The following HSPA13 variants were observed in gnomAD, a reference collection of about 807,000 sequenced individuals.
HSPA13 encodes heat shock 70 kDa protein 13.
HSPA13 carries 29 observed loss-of-function variants against 38.8 expected under a neutral mutation model. That is an observed-to-expected ratio of 0.75 (90% CI 0.56 to 1.02). The LOEUF (loss-of-function observed/expected upper bound fraction) is 1.02. HSPA13 is among the 50% of genes least tolerant of loss of function. The probability of loss-of-function intolerance (pLI) is 0.00; values close to 1 mark genes in which losing one functional copy is unlikely to be tolerated. For missense variants in HSPA13, 451 were observed against 560.9 expected (o/e 0.80, Z 1.98); for synonymous variants, 192 against 205.3 (o/e 0.94, Z 0.56).
rs1982818206 is a variant in HSPA13, at chr21:14,371,213, CTG to C, written c.*2402_*2403del. 1.3e-5 allele frequency: 2 copies of C among 152,606 alleles called. No homozygotes were observed. Among genetic ancestry groups the C allele is most frequent in the South Asian group, 4.1e-4 (2 of 4,826 alleles). The allele number at this position is 152,606 out of a possible 1,614,324, so 9.5% of individuals were successfully genotyped here. ...AGGAACAATCTGTTATGCACAATAA[CTG>C]TAATATTTAGTACATGTTATACACA... On this transcript the variant is annotated 3_prime_UTR_variant, in exon 5 of 5. Transcript: ENST00000285667.
At chr21:14,382,103 T>C (rs528640751) in intron 1 of HSPA13, among the ~76,000 whole-genome samples, 22 of 152,328 alleles carry the variant, frequency 1.4e-4, no homozygotes, top group African/African-American at 5.1e-4. Flanking sequence ...GTTCCTTAGA[T>C]ATGAAACTGT....
At position 14,372,699 on chromosome 21, in the gene HSPA13, A is replaced by ATAT. The variant is rs1388729412; in HGVS notation, c.*915_*917dup. On this transcript the variant is annotated 3_prime_UTR_variant, in exon 5 of 5. Transcript: ENST00000285667. ...CCATTTAGTAGCTCAATTCCATGCTATATTCCCCAGGGCTTACTGAAAATA... is the reference window on the plus strand; with the variant it reads ...CCATTTAGTAGCTCAATTCCATGCTATATTATTCCCCAGGGCTTACTGAAAATA... The ATAT allele has an allele frequency of 2.0e-5, 3 of 152,208 alleles. No homozygotes were observed. The highest frequency in any genetic ancestry group is 4.4e-5 in the Non-Finnish European group (3 of 68,000). The allele number at this position is 152,208 out of a possible 1,614,324, so 9.4% of individuals were successfully genotyped here.
At chr21:14,375,588 T>A in intron 4 of HSPA13, 64 bp downstream of exon 4, 3 of 1,353,426 alleles carry the variant, frequency 2.2e-6, no homozygotes, top group Non-Finnish European at 3.0e-6. Context: ...CGCCTCGGCC[T>A]CCCAAAGTGC....
chr21:14,373,664 C>T lies in HSPA13; in HGVS notation c.1369G>A (p.Ala457Thr). The T allele has an allele frequency of 6.2e-7, 1 of 1,613,626 alleles. No homozygotes were observed. Among genetic ancestry groups the T allele is most frequent in the Non-Finnish European group, 8.5e-7 (1 of 1,179,958 alleles). Residue 457 changes from alanine (A) to threonine (T), a missense_variant, in exon 5 of 5, where the codon GCT (alanine) becomes ACT (threonine). Physicochemically the swap from Ala to Thr is moderately conservative, Grantham distance 58. Transcript: ENST00000285667. ...AAATGCTTATTGGGAATTTCTAAAG[C>T]ACTGACTTGGAGAGGCCAAGAGCCT... ...DGGSWPLQVS[A>T]LEIPNKHLQK...
At chr21:14,376,370 G>A (rs996474674) in intron 3 of HSPA13, among the ~76,000 whole-genome samples, 96 of 152,136 alleles carry the variant, frequency 6.3e-4, no homozygotes, top group African/African-American at 2.2e-3. Flanking sequence ...CCGAGATCGC[G>A]CCACTGTACT....
intron 4 of HSPA13, 97 bp downstream of exon 4, chr21:14,375,555 A>G (rs1983999250): frequency 3.9e-6 from 3 of 769,186 alleles, no homozygotes; most frequent in African/African-American, 1.9e-5. Flanking sequence ...GATGGTCTCG[A>G]TCTCCCCATC....
At position 14,381,411 on chromosome 21, in the gene HSPA13, C is replaced by T; in HGVS notation, c.158G>A (p.Gly53Glu). ...TTCATCTGGAATCACCTTTACTTTT[C>T]CTGTGCCAGGAAAAAACACCCCAAC... is the stretch of plus-strand genomic sequence containing the variant. ...CSVGVFFPGT[G>E]KVKVIPDENG... Residue 53 changes from glycine (G) to glutamate (E), a missense_variant, in exon 2 of 5, where the codon GGA (glycine) becomes GAA (glutamate). Physicochemically the swap from Gly to Glu is moderately conservative, Grantham distance 98 (BLOSUM62 -2). Coordinates refer to ENST00000285667, the MANE Select transcript of HSPA13 (RefSeq NM_006948.5). 1 of 1,614,140 alleles carries T rather than the reference C, an allele frequency of 6.2e-7. No homozygotes were observed. Among genetic ancestry groups the T allele is most frequent in the Non-Finnish European group, 8.5e-7 (1 of 1,180,004 alleles).
Position 14,378,274 on chromosome 21 carries a change from T to C in HSPA13, c.505A>G (p.Asn169Asp). 6.2e-7 allele frequency: 1 copy of C among 1,614,166 alleles called. No individual in the cohort carries two copies. The highest frequency in any genetic ancestry group is 8.5e-7 in the Non-Finnish European group (1 of 1,179,980). Residue 169 changes from asparagine (N) to aspartate (D), a missense_variant, in exon 3 of 5, where the codon AAT becomes GAT. By Grantham distance (23) the Asn-to-Asp change is conservative (BLOSUM62 1). Transcript: ENST00000285667. ...AEAYLGMPVA[N>D]AVISVPAEFD... ...TCTGCTGGTACAGAAATGACAGCATTGGCAACTGGCATTCCAAGATATGCC... is the reference window on the plus strand; with the variant it reads ...TCTGCTGGTACAGAAATGACAGCATCGGCAACTGGCATTCCAAGATATGCC...
In HSPA13 at chr21:14,373,278, G is replaced by A. The variant is rs1346654030; in HGVS notation, c.*339C>T. Reference sequence around the variant, plus strand: ...GTAAGAACTGGGAATCTCATAACTGGCACTACTTAATGTTTATAGAATATA... The same window carrying A: ...GTAAGAACTGGGAATCTCATAACTGACACTACTTAATGTTTATAGAATATA... On this transcript the variant is annotated 3_prime_UTR_variant, in exon 5 of 5. Transcript: ENST00000285667. The A allele has an allele frequency of 5.3e-6, 1 of 188,324 alleles. No homozygotes were observed. Among genetic ancestry groups the A allele is most frequent in the Admixed American group, 5.3e-5 (1 of 18,838 alleles). The allele number at this position is 188,324 out of a possible 1,614,324, so 11.7% of individuals were successfully genotyped here.
intron 3 of HSPA13, 47 bp downstream of exon 3, chr21:14,378,152 C>A (rs767099306): frequency 6.8e-7 from 1 of 1,478,080 alleles, no homozygotes; most frequent in South Asian, 1.1e-5. Context: ...GGTTTTCAAC[C>A]CAACACAATT....
At chr21:14,377,421 C>G (rs76601379) in intron 3 of HSPA13, among the ~76,000 whole-genome samples, 4 of 152,282 alleles carry the variant, frequency 2.6e-5, no homozygotes, top group South Asian at 2.1e-4. Context: ...TCTCTTTGAG[C>G]CTTTGTCCTG....
rs760641603 is a variant in HSPA13, at chr21:14,374,012, C to G, written c.1021G>C (p.Val341Leu). 2 of 1,614,188 alleles carry G rather than the reference C, an allele frequency of 1.2e-6. No homozygotes were observed. Among genetic ancestry groups the G allele is most frequent in the Non-Finnish European group, 1.7e-6 (2 of 1,180,030 alleles). Residue 341 changes from valine to leucine, a missense_variant, in exon 5 of 5, where the codon GTG (valine) becomes CTG (leucine). Transcript: ENST00000285667. ...DKLSSADDHR[V>L]NSGFGRGLSD... The stretch of plus-strand genomic sequence containing the variant: ...AGGCCACGTCCAAACCCACTGTTCA[C>G]GCGATGGTCATCTGCTGAGGAAAGT...
rs371796413 is a variant in HSPA13, at chr21:14,381,417, C to T, written c.152G>A (p.Gly51Asp). The T allele has an allele frequency of 2.2e-5, 36 of 1,613,894 alleles. No individual in the cohort carries two copies. Among genetic ancestry groups the T allele is most frequent in the Non-Finnish European group, 3.0e-5 (35 of 1,179,988 alleles). ...TGGAATCACCTTTACTTTTCCTGTG[C>T]CAGGAAAAAACACCCCAACAGAACA... ...TYCSVGVFFP[G>D]TGKVKVIPDE... Residue 51 changes from glycine (G) to aspartate (D), a missense_variant, in exon 2 of 5, where the codon GGC becomes GAC. Gly to Asp is a moderately conservative substitution (Grantham distance 94). Transcript: ENST00000285667.
In HSPA13 at chr21:14,381,459, T is replaced by C; in HGVS notation, c.110A>G (p.Asp37Gly). Residue 37 changes from aspartate (D) to glycine (G), a missense_variant, in exon 2 of 5, where the codon GAT (aspartate) becomes GGT (glycine). By Grantham distance (94) the Asp-to-Gly change is moderately conservative (BLOSUM62 -1). Coordinates refer to ENST00000285667, the MANE Select transcript of HSPA13 (RefSeq NM_006948.5). ...AACAGAACAATAGGTGGTGCCAAGA[T>C]CAATACCAATCACTTTAGGAGTAGG... ...PLPTPKVIGI[D>G]LGTTYCSVGV... 6.2e-7 allele frequency: 1 copy of C among 1,614,156 alleles called. No individual in the cohort carries two copies. The highest frequency in any genetic ancestry group is 8.5e-7 in the Non-Finnish European group (1 of 1,180,020).
intron 3 of HSPA13, among the ~76,000 whole-genome samples, chr21:14,376,403 A>C (rs757578507): frequency 6.6e-6 from 1 of 152,036 alleles, no homozygotes; most frequent in Non-Finnish European, 1.5e-5. Flanking sequence ...GCAGAGTGAG[A>C]CTCCGTCTCA....
At position 14,373,819 on chromosome 21, in the gene HSPA13, A is replaced by C. The variant is rs1404611787; in HGVS notation, c.1214T>G (p.Val405Gly). 3 of 1,614,206 alleles carry C rather than the reference A, an allele frequency of 1.9e-6. No homozygotes were observed. Among genetic ancestry groups the C allele is most frequent in the Non-Finnish European group, 2.5e-6 (3 of 1,180,036 alleles). Residue 405 changes from valine to glycine, a missense_variant, in exon 5 of 5, where the codon GTT becomes GGT. By Grantham distance (109) the Val-to-Gly change is moderately radical. Transcript: ENST00000285667. ...CCGAGGAATACGAGTGGAGCCCCCA[A>C]CTAAAACCACCTCATCAATCTCAGT... ...EKTEIDEVVLVGGSTRIPRIR... is the reference protein window; with the variant it reads ...EKTEIDEVVLGGGSTRIPRIR...
At position 14,378,124 on chromosome 21, in the gene HSPA13, G is replaced by A; in HGVS notation, c.580+75C>T. On this transcript the variant is annotated intron_variant, in intron 3 of 4. Transcript: ENST00000285667. ...CTATGGTTGTGTGGTTTGGGAAGTG[G>A]TAAACCTTACTACAGAAGGTTTTCA... 2.6e-6 allele frequency: 3 copies of A among 1,132,860 alleles called. No individual in the cohort carries two copies. In the Admixed American group the frequency reaches 5.5e-5, roughly 21 times the overall value. The allele number at this position is 1,132,860 out of a possible 1,614,324, so 70.2% of individuals were successfully genotyped here. A position where few individuals can be genotyped will look rare whatever the true frequency, so the allele number is the denominator to read the frequency against.
intron 3 of HSPA13, among the ~76,000 whole-genome samples, chr21:14,377,856 G>A (rs571551104): frequency 2.0e-5 from 3 of 152,264 alleles, no homozygotes; most frequent in Non-Finnish European, 4.4e-5. Context: ...GGTTTGCCAA[G>A]GGCTCTCGGG....
rs1682853216 is a variant in HSPA13, at chr21:14,375,745, A to G, written c.655T>C (p.Phe219Leu). 1.2e-6 allele frequency: 2 copies of G among 1,614,064 alleles called. No individual in the cohort carries two copies. Among genetic ancestry groups the G allele is most frequent in the Non-Finnish European group, 1.7e-6 (2 of 1,179,902 alleles). Residue 219 changes from phenylalanine (F) to leucine (L), a missense_variant, in exon 4 of 5, where the codon TTC (phenylalanine) becomes CTC (leucine). Physicochemically the swap from Phe to Leu is conservative, Grantham distance 22. Coordinates refer to ENST00000285667, the MANE Select transcript of HSPA13 (RefSeq NM_006948.5). ...MAYGLHKADVFHVLVIDLGGG... is the reference protein window; with the variant it reads ...MAYGLHKADVLHVLVIDLGGG... ...CCCAAGTCTATCACCAAGACGTGGA[A>G]GACGTCAGCCTTGTGGAGACCATAG...
Sources: allele counts gnomAD v4.1 joint callset (sites outside exome capture counted in the v4.1 genomes callset), GRCh38; gene constraint gnomAD v4.1.1; transcripts MANE v1.5; gene names NCBI Gene and HGNC (gene_info 2026-07-23, HGNC 2026-07-21).